Variants in NPRL3 observed in about 807,000 individuals in gnomAD.
NPRL3 encodes NPR3 like, GATOR1 complex subunit.
A neutral mutation model predicts 57.2 loss-of-function variants in NPRL3; 23 were observed. The observed-to-expected ratio is 0.40, with a 90% CI of 0.29 to 0.57. The LOEUF (loss-of-function observed/expected upper bound fraction) is 0.57. Ranked by LOEUF, NPRL3 falls within the 20% of genes least tolerant of loss-of-function variation. The pLI is 0.42. For missense variants in NPRL3, 691 were observed against 767.1 expected (o/e 0.90, Z 1.17); for synonymous variants, 333 against 321.1 (o/e 1.04, Z -0.39).
At chr16:121,764 T>C (rs1323973060) in intron 3 of NPRL3, among the ~76,000 whole-genome samples, 2 of 152,032 alleles carry the variant, frequency 1.3e-5, no homozygotes, top group Non-Finnish European at 2.9e-5. Flanking sequence ...TACAAACATA[T>C]AATGACAAAA....
chr16:117,507 T>G (rs770904191), intron 4 of NPRL3, 132 bp from the exon 5 acceptor site: 1 of 640,698 alleles, frequency 1.6e-6, no homozygotes, highest in Non-Finnish European at 2.7e-6. Flanking sequence ...ATGAATGCCT[T>G]TGCTCTGGAG....
intron 10 of NPRL3, 113 bp downstream of exon 10, chr16:93,106 G>T: frequency 1.3e-6 from 1 of 746,728 alleles, no homozygotes; most frequent in Non-Finnish European, 2.3e-6. Flanking sequence ...CTGGCCTTGG[G>T]GCTTCCACAG....
At position 92,768 on chromosome 16, in the gene NPRL3, C is replaced by T. The variant is rs774111853; in HGVS notation, c.1032-43G>A. On this transcript the variant is annotated intron_variant, in intron 10 of 13. Transcript: ENST00000611875. ...TGCCAGTGAGTGCAGCAGACCCCCC[C>T]ACCGTGTTCTCAACACTGGCCTCAG... 3 of 1,606,604 alleles carry T rather than the reference C, an allele frequency of 1.9e-6. No individual in the cohort carries two copies. In the African/African-American group the frequency reaches 4.0e-5, roughly 21 times the overall value.
intron 7 of NPRL3, among the ~76,000 whole-genome samples, chr16:100,798 C>T (rs1362757699): frequency 1.4e-5 from 2 of 146,382 alleles, no homozygotes; most frequent in African/African-American, 5.1e-5. Context: ...CGGTGAAACC[C>T]CGTCTCTACT....
chr16:138,268 C>G lies in NPRL3; in HGVS notation c.-1G>C. 1 of 1,596,516 alleles carries G rather than the reference C, an allele frequency of 6.3e-7. No individual in the cohort carries two copies. The highest frequency in any genetic ancestry group is 8.5e-7 in the Non-Finnish European group (1 of 1,172,538). ...TGATGGGGCTGGTGTTGTCCCGCAT[C>G]CCGCCGTGGGGCCGGGGCCGGGGGC... On this transcript the variant is annotated 5_prime_UTR_variant, in exon 2 of 14. Transcript: ENST00000611875.
chr16:91,648 A>C (rs557532098), intron 11 of NPRL3, among the ~76,000 whole-genome samples: 1 of 152,308 alleles, frequency 6.6e-6, no homozygotes, highest in African/African-American at 2.4e-5. Flanking sequence ...TCTGTGAAAG[A>C]CCGCACTGAG....
chr16:89,238 G>A (rs1206397253), intron 12 of NPRL3: 5 of 320,640 alleles, frequency 1.6e-5, no homozygotes, highest in Admixed American at 4.4e-5. Flanking sequence ...CATGAAGCAT[G>A]AAGCCTACAG....
chr16:116,754 C>T (rs769944991), intron 5 of NPRL3, among the ~76,000 whole-genome samples: 1 of 146,656 alleles, frequency 6.8e-6, no homozygotes, highest in African/African-American at 2.5e-5. Flanking sequence ...CCTAAGGTCA[C>T]GAGTTCAAGA....
At chr16:134,639 C>T (rs890207493) in intron 2 of NPRL3, among the ~76,000 whole-genome samples, 1 of 150,502 alleles carries the variant, frequency 6.6e-6, no homozygotes, top group Non-Finnish European at 1.5e-5. Context: ...AGAAAAGTAA[C>T]GACAAGTGAC....
At chr16:92,156 T>C (rs1898788259) in intron 11 of NPRL3, among the ~76,000 whole-genome samples, 1 of 152,096 alleles carries the variant, frequency 6.6e-6, no homozygotes, top group African/African-American at 2.4e-5. Context: ...ACCTGAACCA[T>C]GGCAGGGAGT....
intron 7 of NPRL3, 76 bp downstream of exon 7, chr16:110,449 C>A: frequency 8.5e-7 from 1 of 1,170,982 alleles, no homozygotes. Flanking sequence ...GGAGCCCTAC[C>A]TGTTGACGCT....
chr16:88,766 C>A lies in NPRL3; in HGVS notation c.1476G>T (p.Glu492Asp). Reference protein sequence around the residue: ...MTENLLASLSEHERAAILSVP... With the variant: ...MTENLLASLSDHERAAILSVP... ...CACTGAGGATGGCTGCGCGTTCATG[C>A]TCCGACAGGCTGGCCAGCAGGTTCT... Residue 492 changes from glutamate to aspartate, a missense_variant, in exon 13 of 14, where the codon GAG (glutamate) becomes GAT (aspartate). Transcript: ENST00000611875. 6.2e-7 allele frequency: 1 copy of A among 1,613,734 alleles called. No individual in the cohort carries two copies. Among genetic ancestry groups the A allele is most frequent in the Non-Finnish European group, 8.5e-7 (1 of 1,179,806 alleles).
At chr16:114,580 G>GA (rs1453593084) in intron 5 of NPRL3, among the ~76,000 whole-genome samples, 2 of 152,136 alleles carry the variant, frequency 1.3e-5, no homozygotes, top group Admixed American at 1.3e-4. Flanking sequence ...AAAGGGAGGG[G>GA]AGACCTCTGG....
Position 86,657 on chromosome 16 carries a change from C to G in NPRL3, c.*48G>C, listed in dbSNP as rs369055796. 3.3e-6 allele frequency: 5 copies of G among 1,508,266 alleles called. No homozygotes were observed. The African/African-American group carries it at 6.9e-5, about 21-fold the overall frequency. The allele number at this position is 1,508,266 out of a possible 1,614,324, so 93.4% of individuals were successfully genotyped here. A position where few individuals can be genotyped will look rare whatever the true frequency, so the allele number is the denominator to read the frequency against. ...GGGGGAGCCCTGGGGTGGGGAGACG[C>G]GAGCGCCCACCTGCGCACCCCAGCA... is the stretch of plus-strand genomic sequence containing the variant. On this transcript the variant is annotated 3_prime_UTR_variant, in exon 14 of 14. Coordinates refer to ENST00000611875, the MANE Select transcript of NPRL3 (RefSeq NM_001077350.3).
chr16:114,943 G>A (rs1306516664), intron 5 of NPRL3, among the ~76,000 whole-genome samples: 1 of 150,750 alleles, frequency 6.6e-6, no homozygotes, highest in African/African-American at 2.4e-5. Flanking sequence ...CTATTTCAGG[G>A]TTTAAAATTT....
At chr16:109,714 T>TC (rs1342858934) in intron 7 of NPRL3, among the ~76,000 whole-genome samples, 1 of 151,974 alleles carries the variant, frequency 6.6e-6, no homozygotes, top group Non-Finnish European at 1.5e-5. Flanking sequence ...AGATGCCTCT[T>TC]CCCCCGAGCT....
chr16:123,174 C>G (rs986118455), intron 3 of NPRL3, among the ~76,000 whole-genome samples: 6 of 152,200 alleles, frequency 3.9e-5, no homozygotes, highest in African/African-American at 1.4e-4. Flanking sequence ...GAGTCCACTC[C>G]TGCTTGCCCG....
In NPRL3 at chr16:88,796, C is replaced by T. The variant is rs769714857; in HGVS notation, c.1446G>A (p.Met482Ile). 1 of 1,613,728 alleles carries T rather than the reference C, an allele frequency of 6.2e-7. No homozygotes were observed. The highest frequency in any genetic ancestry group is 1.7e-5 in the Admixed American group (1 of 59,972). Residue 482 changes from methionine (M) to isoleucine (I), a missense_variant, in exon 13 of 14, where the codon ATG becomes ATA. Met to Ile is a conservative substitution (Grantham distance 10). Coordinates refer to ENST00000611875, the MANE Select transcript of NPRL3 (RefSeq NM_001077350.3). The part of the protein sequence containing the change: ...PSGDSPLNQR[M>I]TENLLASLSE... ...ACAGGCTGGCCAGCAGGTTCTCCGT[C>T]ATCCTCTGGTTCAGTGGCGAGTCCC...
rs761446491 is a variant in NPRL3, at chr16:85,423, GC to G, written c.*1281del. ...CAGGGGACGGGGCTTGCGTCTTGCTGCGAGCACTGGAGCCCCTGGAAGGTCT... is the reference window on the plus strand; with the variant it reads ...CAGGGGACGGGGCTTGCGTCTTGCTGGAGCACTGGAGCCCCTGGAAGGTCT... On this transcript the variant is annotated 3_prime_UTR_variant, in exon 14 of 14. Transcript: ENST00000611875. 9 of 1,609,728 alleles carry G rather than the reference GC, an allele frequency of 5.6e-6. No homozygotes were observed. In the South Asian group the frequency reaches 9.9e-5, roughly 18 times the overall value.
Sources: gnomAD v4.1 joint callset for allele counts (sites outside exome capture counted in the v4.1 genomes callset) on GRCh38, gnomAD v4.1.1 for gene constraint, MANE v1.5 for transcripts, NCBI Gene and HGNC (gene_info 2026-07-23, HGNC 2026-07-21) for gene names.